Variants in TMEM135 observed in about 807,000 individuals in gnomAD.
The protein encoded by TMEM135 is peroxisomal membrane protein 52.
A neutral mutation model predicts 60.3 loss-of-function variants in TMEM135; 30 were observed. That is an observed-to-expected ratio of 0.50 (90% CI 0.37 to 0.68). The LOEUF (loss-of-function observed/expected upper bound fraction) is 0.68. TMEM135 is among the 30% of genes least tolerant of loss of function. TMEM135 has a pLI of 0.00. For synonymous variants in TMEM135, 190 were observed against 186.7 expected (o/e 1.02, Z -0.14); for missense variants, 468 against 548.8 (o/e 0.85, Z 1.47).
intron 4 of TMEM135, among the ~76,000 whole-genome samples, chr11:87,139,683 C>G (rs544654626): frequency 1.3e-5 from 2 of 152,262 alleles, no homozygotes; most frequent in African/African-American, 4.8e-5. Flanking sequence ...TATGAGAGTT[C>G]CAGTATCTCC....
At chr11:87,215,278 T>C (rs1020118637) in intron 5 of TMEM135, among the ~76,000 whole-genome samples, 3 of 152,214 alleles carry the variant, frequency 2.0e-5, no homozygotes, top group African/African-American at 7.2e-5. Flanking sequence ...AGTTACTTAT[T>C]ATCTATTACC....
intron 5 of TMEM135, among the ~76,000 whole-genome samples, chr11:87,192,755 A>G (rs1404653548): frequency 6.6e-6 from 1 of 152,166 alleles, no homozygotes; most frequent in Non-Finnish European, 1.5e-5. Context: ...TTTTAATAAA[A>G]CCAGTTTACA....
chr11:87,206,014 A>C (rs963353622), intron 5 of TMEM135, among the ~76,000 whole-genome samples: 5 of 152,136 alleles, frequency 3.3e-5, no homozygotes, highest in Non-Finnish European at 7.4e-5. Context: ...TGTTTTTCTT[A>C]TATCTGTAGG....
intron 1 of TMEM135, among the ~76,000 whole-genome samples, chr11:87,053,689 T>C (rs1949864134): frequency 6.6e-6 from 1 of 152,218 alleles, no homozygotes; most frequent in Non-Finnish European, 1.5e-5. Context: ...GAATGCCTAA[T>C]AGTGGTTGAT....
intron 5 of TMEM135, among the ~76,000 whole-genome samples, chr11:87,160,324 T>C (rs926007118): frequency 6.6e-6 from 1 of 152,186 alleles, no homozygotes; most frequent in South Asian, 2.1e-4. Context: ...GTTTGAAACT[T>C]ATTTTATAGG....
At chr11:87,291,364 TC>T in intron 6 of TMEM135, among the ~76,000 whole-genome samples, 1 of 152,176 alleles carries the variant, frequency 6.6e-6, no homozygotes, top group Admixed American at 6.5e-5. Flanking sequence ...TCTCTTTTAC[TC>T]CACGTTTAAA....
At chr11:87,157,320 T>TG in intron 4 of TMEM135, 21 bp from the exon 5 acceptor site, 1 of 376,334 alleles carries the variant, frequency 2.7e-6, no homozygotes, top group Non-Finnish European at 3.4e-6. Context: ...ATTTTTGCTG[T>TG]TTTTTTTTTT....
chr11:87,193,766 A>G (rs1939870609), intron 5 of TMEM135, among the ~76,000 whole-genome samples: 2 of 148,236 alleles, frequency 1.3e-5, no homozygotes, highest in Non-Finnish European at 3.0e-5. Flanking sequence ...ATTCTTATAT[A>G]TTATATTATA....
intron 1 of TMEM135, among the ~76,000 whole-genome samples, chr11:87,039,189 ACTT>A (rs1393601042): frequency 3.9e-5 from 6 of 152,184 alleles, no homozygotes; most frequent in African/African-American, 1.4e-4. Context: ...TATCTGTAGT[ACTT>A]CTTGAAAAGT....
At chr11:87,046,158 C>T (rs1317155279) in intron 1 of TMEM135, among the ~76,000 whole-genome samples, 1 of 152,198 alleles carries the variant, frequency 6.6e-6, no homozygotes, top group East Asian at 1.9e-4. Context: ...GTAATACCAG[C>T]ATTTTGGGAG....
At chr11:87,162,383 C>T (rs1938904750) in intron 5 of TMEM135, among the ~76,000 whole-genome samples, 1 of 152,114 alleles carries the variant, frequency 6.6e-6, no homozygotes, top group Admixed American at 6.6e-5. Context: ...CCCTCCAACG[C>T]CCGACAGGCC....
intron 5 of TMEM135, among the ~76,000 whole-genome samples, chr11:87,170,725 G>T (rs1295037669): frequency 6.6e-6 from 1 of 152,120 alleles, no homozygotes; most frequent in Non-Finnish European, 1.5e-5. Context: ...GGTGTCTGTT[G>T]ACCTGTGCTG....
At chr11:87,260,333 G>A (rs1192566146) in intron 6 of TMEM135, among the ~76,000 whole-genome samples, 2 of 152,118 alleles carry the variant, frequency 1.3e-5, no homozygotes, top group African/African-American at 4.8e-5. Flanking sequence ...CTTGCAGGGT[G>A]TCATTGTAAG....
intron 6 of TMEM135, among the ~76,000 whole-genome samples, chr11:87,246,330 T>G (rs544182108): frequency 2.0e-5 from 3 of 150,658 alleles, no homozygotes; most frequent in Admixed American, 6.6e-5. Context: ...ATTATGTGTC[T>G]TGGAGTTGCT....
chr11:87,279,667 C>T (rs1942026228), intron 6 of TMEM135, among the ~76,000 whole-genome samples: 1 of 152,144 alleles, frequency 6.6e-6, no homozygotes, highest in Non-Finnish European at 1.5e-5. Flanking sequence ...ATAATATTTG[C>T]TTCATAGATC....
At chr11:87,177,010 C>T (rs1393278179) in intron 5 of TMEM135, among the ~76,000 whole-genome samples, 1 of 152,130 alleles carries the variant, frequency 6.6e-6, no homozygotes. Context: ...TACATGCTAG[C>T]AGTCCTTTTG....
chr11:87,093,360 G>A (rs1300860269), intron 4 of TMEM135, among the ~76,000 whole-genome samples: 1 of 151,924 alleles, frequency 6.6e-6, no homozygotes, highest in East Asian at 1.9e-4. Flanking sequence ...CCACAGGCAT[G>A]TACCACAATG....
At chr11:87,066,893 G>T (rs1326296123) in intron 1 of TMEM135, among the ~76,000 whole-genome samples, 1 of 148,718 alleles carries the variant, frequency 6.7e-6, no homozygotes, top group Non-Finnish European at 1.5e-5. Flanking sequence ...CAATTCTCCT[G>T]CCTCAGCCTC....
chr11:87,324,852 C>T lies in TMEM135; in HGVS notation c.*3519C>T, dbSNP rs1468650920. On this transcript the variant is annotated 3_prime_UTR_variant, in exon 15 of 15. Transcript: ENST00000305494. ...CTTATAAACATTCTCTCTCCTAACACCTCCTTCTAGTAATCATTTTCACAT... is the reference window on the plus strand; with the variant it reads ...CTTATAAACATTCTCTCTCCTAACATCTCCTTCTAGTAATCATTTTCACAT... 6.6e-6 allele frequency: 3 copies of T among 453,770 alleles called. No individual in the cohort carries two copies. The highest frequency in any genetic ancestry group is 2.0e-5 in the African/African-American group (1 of 49,962). The allele number at this position is 453,770 out of a possible 1,614,324, so 28.1% of individuals were successfully genotyped here. A position where few individuals can be genotyped will look rare whatever the true frequency, so the allele number is the denominator to read the frequency against.
Sources: gnomAD v4.1 joint callset for allele counts (sites outside exome capture counted in the v4.1 genomes callset) on GRCh38, gnomAD v4.1.1 for gene constraint, MANE v1.5 for transcripts, NCBI Gene and HGNC (gene_info 2026-07-23, HGNC 2026-07-21) for gene names.